The following RASSF4 variants were observed in gnomAD, a reference collection of about 807,000 sequenced individuals.
The protein encoded by RASSF4 is Ras association domain family member 4.
A neutral mutation model predicts 41.1 loss-of-function variants in RASSF4; 38 were observed. That is an observed-to-expected ratio of 0.92 (90% CI 0.71 to 1.21). RASSF4 has a LOEUF of 1.21. Ranked by LOEUF, RASSF4 falls within the 50% of genes most tolerant of loss-of-function variation. The pLI is 0.00. For missense variants in RASSF4, 414 were observed against 419.4 expected (o/e 0.99, Z 0.11); for synonymous variants, 179 against 163.4 (o/e 1.10, Z -0.73).
chr10:44,977,814 AGGCCTGGGCT>A (rs1564458973), intron 3 of RASSF4: 2 of 1,600,490 alleles, frequency 1.2e-6, no homozygotes, highest in Non-Finnish European at 1.7e-6. Context: ...CCCTTCCGGC[AGGCCTGGGCT>A]GGCCTGTGGG....
chr10:44,968,280 G>C (rs1018869812), intron 1 of RASSF4, among the ~76,000 whole-genome samples: 1 of 152,180 alleles, frequency 6.6e-6, no homozygotes, highest in African/African-American at 2.4e-5. Context: ...ACCCAGAGAG[G>C]GGGGCAGATC....
chr10:44,963,975 G>A (rs1840806300), intron 1 of RASSF4, among the ~76,000 whole-genome samples: 1 of 152,200 alleles, frequency 6.6e-6, no homozygotes. Flanking sequence ...CACTTCACTC[G>A]GCATCTTCTG....
At chr10:44,973,238 C>A (rs571184400) in intron 3 of RASSF4, among the ~76,000 whole-genome samples, 3 of 152,204 alleles carry the variant, frequency 2.0e-5, no homozygotes, top group African/African-American at 4.8e-5. Context: ...CTCCCCAGGC[C>A]GGGCACCCTG....
At position 44,982,255 on chromosome 10, in the gene RASSF4, G is replaced by T. The variant is rs559553631; in HGVS notation, c.139-266G>T. On this transcript the variant is annotated intron_variant, in intron 3 of 10. Coordinates refer to ENST00000340258, the MANE Select transcript of RASSF4 (RefSeq NM_032023.4). Reference sequence around the variant, plus strand: ...GGACGTGCCTGCCGGCCAGCAGCTGGCTTCCTGTGGGACACCTGACTCAGC... The same window carrying T: ...GGACGTGCCTGCCGGCCAGCAGCTGTCTTCCTGTGGGACACCTGACTCAGC... 8 of 507,440 alleles carry T rather than the reference G, an allele frequency of 1.6e-5. No homozygotes were observed. In the East Asian group the frequency reaches 2.7e-4, roughly 17 times the overall value. The allele number at this position is 507,440 out of a possible 1,614,324, so 31.4% of individuals were successfully genotyped here. A position where few individuals can be genotyped will look rare whatever the true frequency, so the allele number is the denominator to read the frequency against.
In RASSF4 at chr10:44,984,026, G is replaced by T; in HGVS notation, c.286G>T (p.Glu96Ter). The T allele has an allele frequency of 6.3e-7, 1 of 1,597,550 alleles. No homozygotes were observed. Among genetic ancestry groups the T allele is most frequent in the Non-Finnish European group, 8.5e-7 (1 of 1,172,330 alleles). Residue 96 changes from glutamate to a stop codon, truncating the protein, a stop_gained, in exon 5 of 11, where the codon GAG (glutamate) becomes TAG (stop). Coordinates refer to ENST00000340258, the MANE Select transcript of RASSF4 (RefSeq NM_032023.4). LOFTEE classifies it high-confidence loss of function. ...CCTGCAGTTGTCTGTTTTCAGAAAGGAGCCATCGCCCCAGAACGGGAACAT... is the reference window on the plus strand; with the variant it reads ...CCTGCAGTTGTCTGTTTTCAGAAAGTAGCCATCGCCCCAGAACGGGAACAT... ...MPRRPSCPLKEPSPQNGNITA... is the reference protein window; with the variant it reads ...MPRRPSCPLK
intron 2 of RASSF4, 191 bp from the exon 3 acceptor site, chr10:44,971,582 C>T (rs1203598199): frequency 2.9e-6 from 2 of 689,758 alleles, no homozygotes; most frequent in Admixed American, 2.0e-5. Flanking sequence ...ATGCCCCCCA[C>T]CAGGGCCATG....
chr10:44,987,394 GC>G (rs1841957313), intron 6 of RASSF4, among the ~76,000 whole-genome samples: 1 of 152,122 alleles, frequency 6.6e-6, no homozygotes, highest in African/African-American at 2.4e-5. Flanking sequence ...ACTGCACCTG[GC>G]CCTCTCTTCC....
intron 1 of RASSF4, among the ~76,000 whole-genome samples, chr10:44,965,133 C>T (rs940262770): frequency 7.9e-5 from 12 of 152,212 alleles, no homozygotes; most frequent in Admixed American, 2.0e-4. Flanking sequence ...AAGGTGCATG[C>T]ATGGGAGCCT....
At chr10:44,969,077 T>C (rs932368972) in intron 1 of RASSF4, among the ~76,000 whole-genome samples, 46 of 151,142 alleles carry the variant, frequency 3.0e-4, no homozygotes, top group African/African-American at 1.1e-3. Flanking sequence ...AATGTATGTG[T>C]GTGTGCATGT....
intron 1 of RASSF4, among the ~76,000 whole-genome samples, chr10:44,967,499 C>T (rs1252112661): frequency 6.6e-6 from 1 of 152,230 alleles, no homozygotes; most frequent in Non-Finnish European, 1.5e-5. Flanking sequence ...TTATGAAACG[C>T]CAAAAGAGTT....
rs1267472800 is a variant in RASSF4, at chr10:44,989,714, G to C, written c.678G>C (p.Glu226Asp). ...PSEFALYIVH[E>D]SGERTKLKDC... Reference sequence around the variant, plus strand: ...AGTTCGCACTCTACATCGTTCACGAGTCTGGGGGTAAGTACCTGCCCCACT... The same window carrying C: ...AGTTCGCACTCTACATCGTTCACGACTCTGGGGGTAAGTACCTGCCCCACT... Residue 226 changes from glutamate to aspartate, a missense_variant, in exon 8 of 11, where the codon GAG (glutamate) becomes GAC (aspartate). Transcript: ENST00000340258. The C allele has an allele frequency of 1.9e-6, 3 of 1,613,974 alleles. No individual in the cohort carries two copies. The highest frequency in any genetic ancestry group is 1.7e-5 in the Admixed American group (1 of 60,000).
At chr10:44,987,705 G>A (rs1465470444) in intron 6 of RASSF4, among the ~76,000 whole-genome samples, 6 of 150,064 alleles carry the variant, frequency 4.0e-5, no homozygotes, top group East Asian at 3.9e-4. Flanking sequence ...CAAGTCTATC[G>A]GTGCCGTTTT....
At chr10:44,992,476 G>A (rs756195181) in intron 10 of RASSF4, among the ~76,000 whole-genome samples, 1 of 152,248 alleles carries the variant, frequency 6.6e-6, no homozygotes, top group Admixed American at 6.5e-5. Context: ...GTTTTCAGGT[G>A]CAGAGGGCTA....
At chr10:44,991,880 A>G (rs756032706) in intron 9 of RASSF4, 25 bp from the exon 10 acceptor site, 25 of 1,527,642 alleles carry the variant, frequency 1.6e-5, no homozygotes, top group Middle Eastern at 1.7e-4. Flanking sequence ...TTTAAAGCAC[A>G]TTAAAATGTT....
chr10:44,970,746 T>C (rs1841119057), intron 2 of RASSF4: 1 of 154,236 alleles, frequency 6.5e-6, no homozygotes, highest in Non-Finnish European at 1.4e-5. Flanking sequence ...AGAAGTGTGG[T>C]GCTGGCATCT....
At chr10:44,979,808 C>T (rs761232601) in intron 3 of RASSF4, among the ~76,000 whole-genome samples, 1 of 151,990 alleles carries the variant, frequency 6.6e-6, no homozygotes, top group Non-Finnish European at 1.5e-5. Context: ...AGGGTTTGAA[C>T]AAGGGCACTG....
chr10:44,982,347 G>A, intron 3 of RASSF4, 174 bp from the exon 4 acceptor site: 1 of 773,068 alleles, frequency 1.3e-6, no homozygotes, highest in Admixed American at 2.1e-5. Flanking sequence ...CCTCCCACAG[G>A]GCCTGGTCAC....
intron 3 of RASSF4, chr10:44,978,676 CA>C (rs1841561522): frequency 6.6e-6 from 1 of 152,356 alleles, no homozygotes; most frequent in Admixed American, 6.5e-5. Flanking sequence ...CAGTCCAGTC[CA>C]AAGGAAGCCC....
rs1287396300 is a variant in RASSF4, at chr10:44,995,690, GT to G, written c.*2363del. 3 of 152,114 alleles carry G rather than the reference GT, an allele frequency of 2.0e-5. No homozygotes were observed. The highest frequency in any genetic ancestry group is 4.4e-5 in the Non-Finnish European group (3 of 68,024). 9.4% of individuals were successfully genotyped at this position (152,114 alleles called of 1,614,324 possible). On this transcript the variant is annotated 3_prime_UTR_variant, in exon 11 of 11. Transcript: ENST00000340258. ...TTTCTAAATCAACATCATATTTGCT[GT>G]TCAGAGGCAATCTGAAAAGCTGCAA...
Sources: gnomAD v4.1 joint callset for allele counts (sites outside exome capture counted in the v4.1 genomes callset) on GRCh38, gnomAD v4.1.1 for gene constraint, MANE v1.5 for transcripts, NCBI Gene and HGNC (gene_info 2026-07-23, HGNC 2026-07-21) for gene names.